Variants in MLLT10 observed in about 807,000 individuals in gnomAD.
MLLT10 encodes MLLT10 histone lysine methyltransferase DOT1L cofactor.
Under a neutral mutation model 129.1 loss-of-function variants are expected in MLLT10, and 30 were observed. That is an observed-to-expected ratio of 0.23 (90% CI 0.17 to 0.32). The LOEUF is 0.32. MLLT10 is among the 10% of genes least tolerant of loss of function. MLLT10 has a pLI of 1.00. For synonymous variants in MLLT10, 490 were observed against 446.4 expected (o/e 1.10, Z -1.23); for missense variants, 1,119 against 1,268.3 (o/e 0.88, Z 1.79).
At chr10:21,540,695 T>A (rs1405660936) in intron 3 of MLLT10, among the ~76,000 whole-genome samples, 2 of 152,214 alleles carry the variant, frequency 1.3e-5, no homozygotes, top group Non-Finnish European at 2.9e-5. Flanking sequence ...AAAATCTTAT[T>A]ATATTTATTG....
intron 13 of MLLT10, among the ~76,000 whole-genome samples, chr10:21,712,898 TTTC>T (rs1156989805): frequency 6.6e-6 from 1 of 152,240 alleles, no homozygotes; most frequent in African/African-American, 2.4e-5. Context: ...TGAGCATGAT[TTTC>T]TTTTTTTAAA....
intron 13 of MLLT10, among the ~76,000 whole-genome samples, chr10:21,705,578 G>A (rs1239872160): frequency 7.9e-5 from 12 of 152,182 alleles, no homozygotes; most frequent in Admixed American, 7.9e-4. Context: ...GGAGGCAAGT[G>A]TAGGCCAGCA....
intron 20 of MLLT10, 87 bp downstream of exon 20, chr10:21,734,216 C>G (rs2131581159): frequency 1.4e-6 from 2 of 1,461,976 alleles, no homozygotes; most frequent in East Asian, 2.3e-5. Flanking sequence ...TCAATGTGTT[C>G]CTTTGTAGAT....
chr10:21,676,521 G>A (rs1006470869), intron 11 of MLLT10, among the ~76,000 whole-genome samples: 1 of 151,732 alleles, frequency 6.6e-6, no homozygotes, highest in Admixed American at 6.6e-5. Context: ...AAGAGATCTA[G>A]ACCGTCCTGG....
At chr10:21,689,657 A>T (rs967054743) in intron 13 of MLLT10, among the ~76,000 whole-genome samples, 84 of 143,174 alleles carry the variant, frequency 5.9e-4, no homozygotes, top group African/African-American at 1.5e-3. Context: ...ATATATATAT[A>T]TATATTTTTT....
chr10:21,706,743 A>C (rs552538143), intron 13 of MLLT10, among the ~76,000 whole-genome samples: 50 of 152,304 alleles, frequency 3.3e-4, no homozygotes, highest in African/African-American at 1.2e-3. Flanking sequence ...CTTATTTACC[A>C]ATCTTGTGTA....
intron 11 of MLLT10, among the ~76,000 whole-genome samples, chr10:21,680,396 G>A (rs1024487523): frequency 1.3e-5 from 2 of 151,700 alleles, no homozygotes; most frequent in African/African-American, 4.8e-5. Flanking sequence ...AGTAGAGACG[G>A]GGTTTCGCCT....
At chr10:21,687,853 T>C (rs937799644) in intron 13 of MLLT10, among the ~76,000 whole-genome samples, 3 of 152,190 alleles carry the variant, frequency 2.0e-5, no homozygotes, top group Admixed American at 1.3e-4. Flanking sequence ...GAACACATGA[T>C]GAAATAGTAT....
chr10:21,633,602 G>T (rs1459903117), intron 8 of MLLT10, among the ~76,000 whole-genome samples: 2 of 152,160 alleles, frequency 1.3e-5, no homozygotes, highest in Non-Finnish European at 2.9e-5. Context: ...GGCTGAGGTG[G>T]GAGGATTGCT....
At chr10:21,594,321 G>A (rs2042805557) in intron 4 of MLLT10, among the ~76,000 whole-genome samples, 1 of 151,828 alleles carries the variant, frequency 6.6e-6, no homozygotes, top group South Asian at 2.1e-4. Context: ...AGGCTGAGGT[G>A]GGCGGATCAC....
At chr10:21,739,001 C>G (rs1335572189) in intron 21 of MLLT10, among the ~76,000 whole-genome samples, 3 of 152,162 alleles carry the variant, frequency 2.0e-5, no homozygotes, top group Non-Finnish European at 4.4e-5. Flanking sequence ...AAAGACATTT[C>G]AAACATAACG....
At chr10:21,717,874 CT>C in intron 14 of MLLT10, among the ~76,000 whole-genome samples, 4 of 145,194 alleles carry the variant, frequency 2.8e-5, no homozygotes, top group African/African-American at 1.1e-4. Context: ...TCTCCTCCTC[CT>C]TCTCCTCCTC....
chr10:21,584,774 T>G (rs1336824510), intron 3 of MLLT10, among the ~76,000 whole-genome samples: 12 of 151,776 alleles, frequency 7.9e-5, no homozygotes, highest in Non-Finnish European at 1.8e-4. Context: ...ATAAAGTATG[T>G]GTGTATGTGT....
intron 9 of MLLT10, among the ~76,000 whole-genome samples, chr10:21,669,577 C>T (rs933533032): frequency 6.6e-6 from 1 of 152,154 alleles, no homozygotes; most frequent in African/African-American, 2.4e-5. Flanking sequence ...GAACTTTATG[C>T]TGTGCATGCC....
At chr10:21,637,321 A>G (rs1212074238) in intron 8 of MLLT10, among the ~76,000 whole-genome samples, 7 of 152,186 alleles carry the variant, frequency 4.6e-5, no homozygotes, top group Non-Finnish European at 1.0e-4. Context: ...ATTTAAAGGA[A>G]AAGCAGAACG....
rs898223460 is a variant in MLLT10, at chr10:21,689,735, G to A, written c.1699+7478G>A. Among the ~76,000 whole-genome samples the A allele has an allele frequency of 2.7e-5, 4 of 148,458 alleles. No homozygotes were observed. In the Admixed American group the frequency reaches 2.7e-4, roughly 10 times the overall value. On this transcript the variant is annotated intron_variant, in intron 13 of 22. Transcript: ENST00000307729. Reference sequence around the variant, plus strand: ...TGAAAAATAACAACATTAGCTATTAGTCCAAGGAGTTGAAAGCAGTTGGTG... The same window carrying A: ...TGAAAAATAACAACATTAGCTATTAATCCAAGGAGTTGAAAGCAGTTGGTG...
intron 3 of MLLT10, among the ~76,000 whole-genome samples, chr10:21,569,314 G>A (rs2039943804): frequency 6.6e-6 from 1 of 151,962 alleles, no homozygotes; most frequent in Non-Finnish European, 1.5e-5. Context: ...GAGTGCAGTG[G>A]CATGCACAAT....
intron 8 of MLLT10, among the ~76,000 whole-genome samples, chr10:21,627,299 A>G (rs1174721522): frequency 2.6e-5 from 4 of 152,182 alleles, no homozygotes; most frequent in Admixed American, 1.3e-4. Context: ...ACTAAAGTGT[A>G]TAGTTTTAAT....
chr10:21,631,274 A>G (rs1374507738), intron 8 of MLLT10, among the ~76,000 whole-genome samples: 1 of 146,904 alleles, frequency 6.8e-6, no homozygotes, highest in African/African-American at 2.5e-5. Flanking sequence ...AGATGGTGCC[A>G]CTGCACTCCA....
Sources: allele counts gnomAD v4.1 joint callset (sites outside exome capture counted in the v4.1 genomes callset), GRCh38; gene constraint gnomAD v4.1.1; transcripts MANE v1.5; gene names NCBI Gene and HGNC (gene_info 2026-07-23, HGNC 2026-07-21).